Variants in DNAJC8 observed in about 807,000 individuals in gnomAD.
DNAJC8 encodes the protein dnaJ homolog subfamily C member 8.
A neutral mutation model predicts 43.2 loss-of-function variants in DNAJC8; 24 were observed. That is an observed-to-expected ratio of 0.56 (90% CI 0.40 to 0.78). The LOEUF (loss-of-function observed/expected upper bound fraction) is 0.78, where lower values mean the gene tolerates loss of function less well. Among genes scored for constraint, DNAJC8 ranks in the 30% least tolerant of loss-of-function variants. The pLI is 0.00. For synonymous variants in DNAJC8, 83 were observed against 98.0 expected, an observed-to-expected ratio of 0.85 and a Z score of 0.90; for missense variants, 207 against 299.4, an observed-to-expected ratio of 0.69 and a Z score of 2.28.
At chr1:28,231,483 G>A (rs879404584) in intron 1 of DNAJC8, among the ~76,000 whole-genome samples, 5 of 151,472 alleles carry the variant, frequency 3.3e-5, no homozygotes, top group African/African-American at 1.2e-4. Flanking sequence ...TTGGGAGGCC[G>A]AGGCGGGAGG....
At chr1:28,201,507 G>A (rs1646733038) in intron 8 of DNAJC8, 137 bp from the exon 9 acceptor site, 2 of 1,365,238 alleles carry the variant, frequency 1.5e-6, no homozygotes, top group Non-Finnish European at 2.0e-6. Context: ...GAATAGAGCT[G>A]GCCAGGCACA....
chr1:28,232,078 T>C (rs1646980053), intron 1 of DNAJC8, among the ~76,000 whole-genome samples: 1 of 151,710 alleles, frequency 6.6e-6, no homozygotes, highest in African/African-American at 2.4e-5. Flanking sequence ...TCTATCCTTT[T>C]TTTCCTTCTT....
chr1:28,228,257 G>A (rs989798480), intron 2 of DNAJC8, among the ~76,000 whole-genome samples: 1 of 149,010 alleles, frequency 6.7e-6, no homozygotes, highest in African/African-American at 2.5e-5. Flanking sequence ...GCTGAGGCAG[G>A]AGAATTGCTT....
chr1:28,228,884 C>G, intron 2 of DNAJC8, 38 bp downstream of exon 2: 1 of 1,538,056 alleles, frequency 6.5e-7, no homozygotes, highest in African/African-American at 1.4e-5. Context: ...TGCAAATCTC[C>G]CCCATTACAG....
intron 2 of DNAJC8, among the ~76,000 whole-genome samples, chr1:28,222,027 G>A (rs556561247): frequency 2.3e-4 from 35 of 152,278 alleles, no homozygotes; most frequent in African/African-American, 8.4e-4. Flanking sequence ...TGAGGTACTT[G>A]GTCAAAGTCA....
At chr1:28,219,924 A>ACCCG (rs1646887675) in intron 2 of DNAJC8, among the ~76,000 whole-genome samples, 1 of 152,104 alleles carries the variant, frequency 6.6e-6, no homozygotes, top group East Asian at 1.9e-4. Context: ...CAATCTGCTC[A>ACCCG]CCTCAGCCTC....
rs1211938942 is a variant in DNAJC8 at position 28,203,730 on chromosome 1, C to A, written c.639+17G>T. 6.2e-7 allele frequency: 1 copy of A among 1,613,678 alleles called. No individual in the cohort carries two copies. Among genetic ancestry groups the A allele is most frequent in the Non-Finnish European group, 8.5e-7 (1 of 1,179,778 alleles). On this transcript the variant is annotated intron_variant, in intron 8 of 8. Transcript: ENST00000263697. ...CTTATTCTGGAATTAGAATCCCTGG[C>A]CACCTTGGAAATTTACCTCAAAGTT...
Position 28,215,142 on chromosome 1 carries a change from A to C in DNAJC8, c.181-146T>G, listed in dbSNP as rs1330493408. On this transcript the variant is annotated intron_variant, in intron 2 of 8. Coordinates refer to ENST00000263697, the MANE Select transcript of DNAJC8 (RefSeq NM_014280.3). Reference sequence around the variant, plus strand: ...ACACAGGCTGGCACACAGTTCTAGAAATTGCTAAAGAAATATGAATGATCA... The same window carrying C: ...ACACAGGCTGGCACACAGTTCTAGACATTGCTAAAGAAATATGAATGATCA... 5 of 541,222 alleles carry C rather than the reference A, an allele frequency of 9.2e-6. No individual in the cohort carries two copies. In the Admixed American group the frequency reaches 1.7e-4, roughly 19 times the overall value. 33.5% of individuals were successfully genotyped at this position (541,222 alleles called of 1,614,324 possible).
In DNAJC8 at chr1:28,214,989, T is replaced by C; in HGVS notation, c.188A>G (p.Gln63Arg). The C allele has an allele frequency of 1.2e-6, 2 of 1,607,902 alleles. No homozygotes were observed. Among genetic ancestry groups the C allele is most frequent in the South Asian group, 1.1e-5 (1 of 90,124 alleles). Reference protein sequence around the residue: ...YFNLNPFEVLQIDPEVTDEEI... With the variant: ...YFNLNPFEVLRIDPEVTDEEI... ...TTCATCTGTAACTTCAGGATCTATCTGAAGAACCTGGAAGTATCAAAATCA... is the reference window on the plus strand; with the variant it reads ...TTCATCTGTAACTTCAGGATCTATCCGAAGAACCTGGAAGTATCAAAATCA... Residue 63 changes from glutamine (Q) to arginine (R), a missense_variant, in exon 3 of 9, where the codon CAG (glutamine) becomes CGG (arginine). By Grantham distance (43) the Gln-to-Arg change is conservative. This residue lies in a region of DNAJC8 where 159 missense variants were observed against 267.5 expected (regional missense o/e 0.59). Coordinates refer to ENST00000263697, the MANE Select transcript of DNAJC8 (RefSeq NM_014280.3).
chr1:28,203,923 C>A, intron 7 of DNAJC8, 101 bp from the exon 8 acceptor site: 1 of 1,159,218 alleles, frequency 8.6e-7, no homozygotes, highest in East Asian at 2.4e-5. Context: ...TATAGTAAAT[C>A]AATTCCCTAG....
chr1:28,201,434 C>A, intron 8 of DNAJC8, 64 bp from the exon 9 acceptor site: 1 of 1,603,744 alleles, frequency 6.2e-7, no homozygotes, highest in South Asian at 1.1e-5. Context: ...TAAACCTGGT[C>A]TGCCATCCAC....
At chr1:28,213,622 T>C (rs540243349) in intron 3 of DNAJC8, among the ~76,000 whole-genome samples, 1 of 152,220 alleles carries the variant, frequency 6.6e-6, no homozygotes, top group East Asian at 1.9e-4. Flanking sequence ...ATGAAGTACA[T>C]AAGACTATAA....
chr1:28,223,937 C>T (rs481640), intron 2 of DNAJC8, among the ~76,000 whole-genome samples: 53,519 of 151,792 alleles, frequency 0.35, 10,648 homozygotes, highest in African/African-American at 0.54. Context: ...ATATCATTCT[C>T]TGCCAAAAGG....
In DNAJC8 at chr1:28,208,384, CTTCT is replaced by C; in HGVS notation, c.425_428del (p.Lys142ArgfsTer8). On this transcript the variant is annotated frameshift_variant, in exon 6 of 9. Coordinates refer to ENST00000263697, the MANE Select transcript of DNAJC8 (RefSeq NM_014280.3). LOFTEE classifies it high-confidence loss of function. ...CCTCTACAATTGTAGGTTTTCCTTC[CTTCT>C]TTAATTGTTTTTTTCGCTCTTTCAC... 6 of 1,613,130 alleles carry C rather than the reference CTTCT, an allele frequency of 3.7e-6. No homozygotes were observed. Among genetic ancestry groups the C allele is most frequent in the East Asian group, 2.2e-5 (1 of 44,840 alleles).
intron 2 of DNAJC8, among the ~76,000 whole-genome samples, chr1:28,220,222 C>T (rs1266618061): frequency 2.0e-5 from 3 of 152,216 alleles, no homozygotes; most frequent in Non-Finnish European, 2.9e-5. Context: ...TCACTGAGTG[C>T]CTTCAAAGCC....
At chr1:28,227,104 C>CTTTT (rs375175168) in intron 2 of DNAJC8, among the ~76,000 whole-genome samples, 1,648 of 95,030 alleles carry the variant, frequency 0.017, 19 homozygotes, top group Non-Finnish European at 0.026. Context: ...CTCTCTCTCT[C>CTTTT]TTTTTTTTTT....
intron 5 of DNAJC8, 99 bp downstream of exon 5, chr1:28,209,873 T>C: frequency 1.0e-6 from 1 of 1,002,318 alleles, no homozygotes; most frequent in Non-Finnish European, 1.5e-6. Context: ...AGCCACAGGT[T>C]GTGCCAGTAG....
At chr1:28,208,524 A>T in intron 5 of DNAJC8, 111 bp from the exon 6 acceptor site, 3 of 515,200 alleles carry the variant, frequency 5.8e-6, no homozygotes, top group East Asian at 3.7e-5. Context: ...TATAGCAAAA[A>T]GTTTTCATTA....
At chr1:28,222,279 C>T (rs1345968045) in intron 2 of DNAJC8, among the ~76,000 whole-genome samples, 2 of 151,574 alleles carry the variant, frequency 1.3e-5, no homozygotes, top group African/African-American at 2.4e-5. Flanking sequence ...TGAGGTCAGG[C>T]GTTCGAGACC....
Sources: allele counts gnomAD v4.1 joint callset (sites outside exome capture counted in the v4.1 genomes callset), GRCh38; gene constraint gnomAD v4.1.1; regional missense constraint gnomAD v4.1.1; transcripts MANE v1.5; gene names NCBI Gene and HGNC (gene_info 2026-07-23, HGNC 2026-07-21).